Variants in ZNF367 observed in about 807,000 individuals in gnomAD.
ZNF367 encodes the protein zinc finger protein 367, also known as C2H2 zinc finger protein ZFF29.
A neutral mutation model predicts 31.8 loss-of-function variants in ZNF367; 11 were observed. That is an observed-to-expected ratio of 0.35 (90% CI 0.22 to 0.57). The LOEUF (loss-of-function observed/expected upper bound fraction) is 0.57. Among genes scored for constraint, ZNF367 ranks in the 20% least tolerant of loss-of-function variants. ZNF367 has a pLI of 0.85. For synonymous variants in ZNF367, 199 were observed against 202.4 expected, an observed-to-expected ratio of 0.98 and a Z score of 0.14; for missense variants, 353 against 484.1, an observed-to-expected ratio of 0.73 and a Z score of 2.54.
intron 1 of ZNF367, among the ~76,000 whole-genome samples, chr9:96,416,092 T>TG (rs1831826348): frequency 2.0e-5 from 3 of 148,896 alleles, no homozygotes; most frequent in Middle Eastern, 3.4e-3. Flanking sequence ...TTGTTGTTTT[T>TG]TTTTTTTTTT....
intron 1 of ZNF367, chr9:96,407,243 G>A (rs1831682076): frequency 1.6e-5 from 18 of 1,094,684 alleles, no homozygotes; most frequent in South Asian, 1.2e-4. Context: ...GAGCATTTTC[G>A]CACCCCAGGG....
At chr9:96,407,038 G>A (rs1260301504) in intron 1 of ZNF367, among the ~76,000 whole-genome samples, 1 of 151,244 alleles carries the variant, frequency 6.6e-6, no homozygotes, top group Non-Finnish European at 1.5e-5. Flanking sequence ...AGAACGTGGG[G>A]GTCAGGCACA....
In ZNF367 at chr9:96,418,012, C is replaced by T; in HGVS notation, c.21G>A (p.Ala7=). MIRGFE[A]PMAENPPPPP... The stretch of plus-strand genomic sequence containing the variant: ...GCGGCGGCGGGTTCTCCGCCATGGG[C>T]GCCTCGAAGCCCCGGATCATCGCCC... Residue 7 remains alanine, a synonymous_variant, in exon 1 of 5, where the codon GCG becomes GCA. Coordinates refer to ENST00000375256, the MANE Select transcript of ZNF367 (RefSeq NM_153695.4). 1 of 1,388,136 alleles carries T rather than the reference C, an allele frequency of 7.2e-7. No homozygotes were observed. Among genetic ancestry groups the T allele is most frequent in the Non-Finnish European group, 9.3e-7 (1 of 1,078,156 alleles). 86.0% of individuals were successfully genotyped at this position (1,388,136 alleles called of 1,614,324 possible).
intron 2 of ZNF367, among the ~76,000 whole-genome samples, chr9:96,396,196 G>A (rs140651627): frequency 8.5e-5 from 13 of 152,092 alleles, no homozygotes; most frequent in East Asian, 7.7e-4. Context: ...TGATCAGGAC[G>A]GCACTCAGCC....
intron 1 of ZNF367, among the ~76,000 whole-genome samples, chr9:96,414,049 T>C (rs1465022044): frequency 7.2e-5 from 11 of 152,206 alleles, no homozygotes; most frequent in Admixed American, 1.3e-4. Flanking sequence ...GAACTACAAG[T>C]ACTTTAAAGA....
rs1192033040 is a variant in ZNF367, at chr9:96,398,231, A to G, written c.504T>C (p.Arg168=). 1 of 1,613,626 alleles carries G rather than the reference A, an allele frequency of 6.2e-7. No individual in the cohort carries two copies. Among genetic ancestry groups the G allele is most frequent in the African/African-American group, 1.3e-5 (1 of 74,852 alleles). The change falls in exon 2 of 5, where the codon CGT becomes CGC. Residue 168 remains arginine (R), a synonymous_variant. Coordinates refer to ENST00000375256, the MANE Select transcript of ZNF367 (RefSeq NM_153695.4). ...NEGEHSSSRI[R]CNICNRVFPR... Reference sequence around the variant, plus strand: ...GAAACACCCTATTACAGATGTTACAACGGATTCTGCTGGATGAATGCTCTC... The same window carrying G: ...GAAACACCCTATTACAGATGTTACAGCGGATTCTGCTGGATGAATGCTCTC...
intron 1 of ZNF367, among the ~76,000 whole-genome samples, chr9:96,412,644 T>G (rs888893909): frequency 6.6e-6 from 1 of 152,288 alleles, no homozygotes; most frequent in Non-Finnish European, 1.5e-5. Context: ...AGCATCTCAA[T>G]TGAGACATAG....
At chr9:96,393,462 A>C in intron 3 of ZNF367, among the ~76,000 whole-genome samples, 1 of 151,528 alleles carries the variant, frequency 6.6e-6, no homozygotes, top group Admixed American at 6.6e-5. Flanking sequence ...CGAAGGTTTC[A>C]GTGAGCCAAG....
intron 1 of ZNF367, among the ~76,000 whole-genome samples, chr9:96,405,206 C>T (rs899109905): frequency 6.6e-6 from 1 of 150,974 alleles, no homozygotes; most frequent in African/African-American, 2.4e-5. Flanking sequence ...CCTGTAATCC[C>T]AGCTACTCAG....
intron 1 of ZNF367, among the ~76,000 whole-genome samples, chr9:96,414,039 G>A (rs1277460325): frequency 2.0e-5 from 3 of 152,194 alleles, no homozygotes; most frequent in Non-Finnish European, 2.9e-5. Flanking sequence ...TGGAGATAAG[G>A]AACTACAAGT....
At chr9:96,394,518 T>C (rs554414217) in intron 3 of ZNF367, among the ~76,000 whole-genome samples, 53 of 152,342 alleles carry the variant, frequency 3.5e-4, no homozygotes, top group Non-Finnish European at 2.8e-4. Flanking sequence ...GGACCCATGC[T>C]TGAGAGGATG....
chr9:96,400,498 A>C (rs1831589696), intron 1 of ZNF367, among the ~76,000 whole-genome samples: 1 of 152,004 alleles, frequency 6.6e-6, no homozygotes, highest in Admixed American at 6.6e-5. Context: ...CAGAAATTAT[A>C]AAAAAGAATC....
intron 4 of ZNF367, 45 bp downstream of exon 4, chr9:96,392,353 C>T: frequency 1.2e-6 from 2 of 1,613,518 alleles, no homozygotes; most frequent in Non-Finnish European, 1.7e-6. Flanking sequence ...TAGCCCCAGC[C>T]CGCGCTGTGC....
intron 1 of ZNF367, among the ~76,000 whole-genome samples, chr9:96,406,156 C>T (rs1442155724): frequency 6.6e-6 from 1 of 152,122 alleles, no homozygotes; most frequent in Non-Finnish European, 1.5e-5. Context: ...TTGAAAGAAA[C>T]TTTGTTTCCC....
intron 1 of ZNF367, among the ~76,000 whole-genome samples, chr9:96,412,857 A>G (rs1454669891): frequency 2.6e-5 from 4 of 151,862 alleles, no homozygotes; most frequent in Non-Finnish European, 4.4e-5. Context: ...CACCATGCCC[A>G]GCTAATTTTT....
In ZNF367 at chr9:96,388,212, T is replaced by C. The variant is rs1219792170; in HGVS notation, c.*25A>G. 3.1e-6 allele frequency: 5 copies of C among 1,594,132 alleles called. No individual in the cohort carries two copies. The highest frequency in any genetic ancestry group is 4.5e-5 in the East Asian group (2 of 44,704). On this transcript the variant is annotated 3_prime_UTR_variant, in exon 5 of 5. Transcript: ENST00000375256. Reference sequence around the variant, plus strand: ...TTAAGTATGCTGGGCAGTACTTTTGTACAGTGGAAGAGTCAGTGTCCAAGC... The same window carrying C: ...TTAAGTATGCTGGGCAGTACTTTTGCACAGTGGAAGAGTCAGTGTCCAAGC...
chr9:96,413,156 C>T (rs1468725295), intron 1 of ZNF367, among the ~76,000 whole-genome samples: 4 of 152,158 alleles, frequency 2.6e-5, no homozygotes, highest in Admixed American at 6.6e-5. Context: ...TGCCACTTAC[C>T]ATACAATCTT....
At chr9:96,394,419 T>G (rs1346770471) in intron 3 of ZNF367, among the ~76,000 whole-genome samples, 1 of 152,198 alleles carries the variant, frequency 6.6e-6, no homozygotes, top group Non-Finnish European at 1.5e-5. Flanking sequence ...ACCTAGTATT[T>G]TATAGCACAC....
At chr9:96,414,540 C>A (rs1831793103) in intron 1 of ZNF367, among the ~76,000 whole-genome samples, 2 of 152,068 alleles carry the variant, frequency 1.3e-5, no homozygotes, top group African/African-American at 2.4e-5. Context: ...TGCAGTTGCA[C>A]GATCTCGGCT....
Sources: allele counts gnomAD v4.1 joint callset (sites outside exome capture counted in the v4.1 genomes callset), GRCh38; gene constraint gnomAD v4.1.1; transcripts MANE v1.5; gene names NCBI Gene and HGNC (gene_info 2026-07-23, HGNC 2026-07-21).